The following PFKP variants were observed in gnomAD, a reference collection of about 807,000 sequenced individuals.
PFKP encodes ATP-dependent 6-phosphofructokinase, platelet type.
A neutral mutation model predicts 94.3 loss-of-function variants in PFKP; 101 were observed. That is an observed-to-expected ratio of 1.07 (90% confidence interval 0.91 to 1.26). PFKP has a LOEUF of 1.26. PFKP is among the 50% of genes most tolerant of loss of function. The pLI is 0.00. For synonymous variants in PFKP, 573 were observed against 432.6 expected, an observed-to-expected ratio of 1.32 and a Z score of -4.03; for missense variants, 1,145 against 1,103.3, an observed-to-expected ratio of 1.04 and a Z score of -0.53.
At chr10:3,119,131 A>G (rs200287413) in intron 15 of PFKP, among the ~76,000 whole-genome samples, 768 of 67,556 alleles carry the variant, frequency 0.011, 6 homozygotes, top group Middle Eastern at 0.068. Flanking sequence ...GTGAGCTCTT[A>G]ATGTATTTCA....
intron 2 of PFKP, among the ~76,000 whole-genome samples, chr10:3,084,807 C>G (rs1236370348): frequency 6.7e-6 from 1 of 149,128 alleles, no homozygotes; most frequent in African/African-American, 2.5e-5. Context: ...CATCTCCTCC[C>G]CAGTACAGTC....
Position 3,103,911 on chromosome 10 carries a change from A to AG in PFKP, c.589dup (p.Val197GlyfsTer77). On this transcript the variant is annotated frameshift_variant, in exon 5 of 22. Transcript: ENST00000381125. LOFTEE classifies it high-confidence loss of function. ...GACTCCGCCCTGCACAGGATCATCG[A>AG]GGTCGTCGACGCCATCATGACCACG... The AG allele has an allele frequency of 6.2e-7, 1 of 1,613,806 alleles. No homozygotes were observed. The highest frequency in any genetic ancestry group is 8.5e-7 in the Non-Finnish European group (1 of 1,180,032).
chr10:3,076,258 T>G (rs1170646339), intron 1 of PFKP, among the ~76,000 whole-genome samples: 2 of 152,106 alleles, frequency 1.3e-5, no homozygotes, highest in Non-Finnish European at 1.5e-5. Context: ...GGGTGGCGTG[T>G]GCTGCCTGTA....
At chr10:3,105,954 T>C (rs989390946) in intron 7 of PFKP, among the ~76,000 whole-genome samples, 1 of 152,216 alleles carries the variant, frequency 6.6e-6, no homozygotes, top group African/African-American at 2.4e-5. Flanking sequence ...GCCGTGAGCA[T>C]AGGAAGGACG....
At chr10:3,081,482 TGGGAGCAAAG>T (rs1042361054) in intron 1 of PFKP, among the ~76,000 whole-genome samples, 13 of 152,380 alleles carry the variant, frequency 8.5e-5, no homozygotes, top group African/African-American at 3.1e-4. Flanking sequence ...CAGGTGTGTT[TGGGAGCAAAG>T]GCACTGAAGG....
chr10:3,107,381 G>A (rs1174712470), intron 8 of PFKP, 72 bp downstream of exon 8: 16 of 889,876 alleles, frequency 1.8e-5, no homozygotes, highest in Middle Eastern at 2.2e-4. Flanking sequence ...TCATGGGCAG[G>A]CTTGGTTTAG....
chr10:3,104,142 T>C (rs893023921), intron 5 of PFKP, among the ~76,000 whole-genome samples, 198 bp downstream of exon 5: 2 of 152,242 alleles, frequency 1.3e-5, no homozygotes, highest in African/African-American at 2.4e-5. Context: ...TCCTTGTTTT[T>C]AACCTGATGA....
At chr10:3,134,928 C>G (rs1839052279) in intron 20 of PFKP, among the ~76,000 whole-genome samples, 1 of 152,170 alleles carries the variant, frequency 6.6e-6, no homozygotes, top group African/African-American at 2.4e-5. Flanking sequence ...GCTAGGACAA[C>G]CTCCTTGTGA....
chr10:3,102,794 A>G (rs1191079609), intron 4 of PFKP, among the ~76,000 whole-genome samples: 1 of 152,246 alleles, frequency 6.6e-6, no homozygotes, highest in Non-Finnish European at 1.5e-5. Flanking sequence ...GAGAGGCGGC[A>G]TTGAGGCAAA....
chr10:3,125,799 G>GC (rs1384671887), intron 16 of PFKP, among the ~76,000 whole-genome samples: 1 of 152,200 alleles, frequency 6.6e-6, no homozygotes, highest in African/African-American at 2.4e-5. Context: ...CCACATGGTG[G>GC]CCCCTCCGGT....
Position 3,118,893 on chromosome 10 carries a change from C to T in PFKP, c.1530+24C>T, listed in dbSNP as rs780643260. 2.6e-5 allele frequency: 42 copies of T among 1,590,026 alleles called. No homozygotes were observed. The East Asian group carries it at 3.4e-4, about 13-fold the overall frequency. On this transcript the variant is annotated intron_variant, in intron 15 of 21. Coordinates refer to ENST00000381125, the MANE Select transcript of PFKP (RefSeq NM_002627.5). ...AGGTACGTTACCGTTTCTCTCTTGC[C>T]GGTCTTGCAGGTGTGAGCCGCGCCC...
In PFKP at chr10:3,094,229, G is replaced by A. The variant is rs150660704; in HGVS notation, c.187-5046G>A. ...CAGGGGAGGAAGGGCGACCGGCCTC[G>A]CTCCTGCTGGGGCTGTTGGTTGTAC... On this transcript the variant is annotated intron_variant, in intron 2 of 21. Coordinates refer to ENST00000381125, the MANE Select transcript of PFKP (RefSeq NM_002627.5). 6.4e-4 allele frequency among the ~76,000 whole-genome samples: 98 copies of A among 152,270 alleles called. 1 individual carries two copies. The highest frequency in any genetic ancestry group is 2.3e-3 in the African/African-American group (96 of 41,562).
intron 2 of PFKP, among the ~76,000 whole-genome samples, chr10:3,093,871 C>A (rs182692906): frequency 0.013 from 1,936 of 152,244 alleles, 36 homozygotes; most frequent in Non-Finnish European, 0.016. Flanking sequence ...TCTCCATCTC[C>A]TGACCTTGTG....
At chr10:3,099,442 T>G in intron 3 of PFKP, 90 bp downstream of exon 3, 1 of 1,013,752 alleles carries the variant, frequency 9.9e-7, no homozygotes, top group Non-Finnish European at 1.6e-6. Context: ...TCAGATCAGT[T>G]GCGAAATAGA....
intron 16 of PFKP, among the ~76,000 whole-genome samples, chr10:3,127,899 T>C (rs1476441030): frequency 6.6e-6 from 1 of 152,248 alleles, no homozygotes; most frequent in Non-Finnish European, 1.5e-5. Context: ...TAATCAAGCC[T>C]GCATTTATTA....
chr10:3,113,521 G>C lies in PFKP; in HGVS notation c.1371+3G>C. The C allele has an allele frequency of 6.2e-7, 1 of 1,611,642 alleles. No homozygotes were observed. ...TTGACGGCTTCGCCAAGGGCCAGGT[G>C]AGTCACCCAGGATGCCGTAGGCAGG... On this transcript the variant is annotated splice_donor_region_variant and intron_variant, in intron 13 of 21. Coordinates refer to ENST00000381125, the MANE Select transcript of PFKP (RefSeq NM_002627.5).
chr10:3,116,086 A>G (rs549793820), intron 13 of PFKP, among the ~76,000 whole-genome samples: 1 of 94,696 alleles, frequency 1.1e-5, no homozygotes, highest in Non-Finnish European at 2.3e-5. Context: ...TTGCCTTCAA[A>G]ACTGATTTAT....
chr10:3,099,346 G>T lies in PFKP; in HGVS notation c.258G>T (p.Leu86=), dbSNP rs1253399626. The T allele has an allele frequency of 6.2e-7, 1 of 1,613,522 alleles. No homozygotes were observed. The part of the protein sequence containing the change: ...EADWESVSSI[L]QVGGTIIGSA... ...ACTGGGAGAGTGTCTCCAGCATCCT[G>T]CAAGTGGTAGGTACTGGGCTGCGTC... Residue 86 remains leucine, a synonymous_variant, in exon 3 of 22, where the codon CTG becomes CTT. Transcript: ENST00000381125.
At position 3,112,266 on chromosome 10, in the gene PFKP, T is replaced by C. The variant is rs760810623; in HGVS notation, c.1134T>C (p.Asp378=). ...QKAMDERRFQ[D]AVRLRGRSFA... ...CGATGGACGAGAGGAGATTTCAAGA[T>C]GCGGTTCGACTCCGAGGGAGGTGAG... Residue 378 remains aspartate (D), a synonymous_variant, in exon 11 of 22, where the codon GAT becomes GAC. Transcript: ENST00000381125. The C allele has an allele frequency of 1.9e-6, 3 of 1,613,854 alleles. No homozygotes were observed. Among genetic ancestry groups the C allele is most frequent in the South Asian group, 1.1e-5 (1 of 91,086 alleles).
Sources: allele counts gnomAD v4.1 joint callset (sites outside exome capture counted in the v4.1 genomes callset), GRCh38; gene constraint gnomAD v4.1.1; transcripts MANE v1.5; gene names NCBI Gene and HGNC (gene_info 2026-07-23, HGNC 2026-07-21).